PTGIS: variants seen among roughly 807,000 people sequenced by gnomAD.
PTGIS encodes the protein prostaglandin I2 synthase, also known as prostacyclin synthase.
A neutral mutation model predicts 50.3 loss-of-function variants in PTGIS; 45 were observed. That is an observed-to-expected ratio of 0.90 (90% CI 0.70 to 1.15). The LOEUF (loss-of-function observed/expected upper bound fraction) is 1.15, where lower values mean the gene tolerates loss of function less well. PTGIS is among the 50% of genes most tolerant of loss of function. PTGIS has a pLI of 0.00. For synonymous variants in PTGIS, 260 were observed against 267.7 expected, an observed-to-expected ratio of 0.97 and a Z score of 0.28; for missense variants, 668 against 661.3, an observed-to-expected ratio of 1.01 and a Z score of -0.11.
In PTGIS at chr20:49,564,313, G is replaced by A. The variant is rs538293361; in HGVS notation, c.74+3730C>T. Among the ~76,000 whole-genome samples, 7 of 151,850 alleles carry A rather than the reference G, an allele frequency of 4.6e-5. No homozygotes were observed. The East Asian group carries it at 5.8e-4, about 13-fold the overall frequency. ...GTTGCCCAGGCTGGAGTGCAATGGC[G>A]CAAGCTCCGCTCACTGCAAGCTCCG... On this transcript the variant is annotated intron_variant, in intron 1 of 9. Coordinates refer to ENST00000244043, the MANE Select transcript of PTGIS (RefSeq NM_000961.4).
chr20:49,564,396 T>C (rs73611391), intron 1 of PTGIS, among the ~76,000 whole-genome samples: 1 of 151,870 alleles, frequency 6.6e-6, no homozygotes, highest in Non-Finnish European at 1.5e-5. Flanking sequence ...GGACTACAGG[T>C]GCCTGCCACC....
chr20:49,514,461 A>G, intron 6 of PTGIS, 66 bp from the exon 7 acceptor site: 2 of 1,571,726 alleles, frequency 1.3e-6, no homozygotes, highest in Non-Finnish European at 1.7e-6. Context: ...TGCCAGGGAC[A>G]CAGCTCGGGC....
intron 5 of PTGIS, among the ~76,000 whole-genome samples, chr20:49,529,833 A>C (rs1342074086): frequency 1.3e-5 from 2 of 152,082 alleles, no homozygotes; most frequent in African/African-American, 2.4e-5. Flanking sequence ...TTATGTTGTT[A>C]ATCTCTTACT....
At chr20:49,560,011 A>G (rs1982725371) in intron 1 of PTGIS, among the ~76,000 whole-genome samples, 1 of 149,600 alleles carries the variant, frequency 6.7e-6, no homozygotes, top group South Asian at 2.1e-4. Context: ...TGCAACCTGC[A>G]CCTCCCGGGT....
In PTGIS at chr20:49,513,204, A is replaced by T. The variant is rs770770864; in HGVS notation, c.1082T>A (p.Val361Asp). The part of the protein sequence containing the change: ...LTAAPFITRE[V>D]VVDLAMPMAD... ...CATGGGCATGGCCAGGTCCACCACAACCTCGCGGGTGATGAAGGGGGCAGC... is the reference window on the plus strand; with the variant it reads ...CATGGGCATGGCCAGGTCCACCACATCCTCGCGGGTGATGAAGGGGGCAGC... The change falls in exon 8 of 10, where the codon GTT (valine) becomes GAT (aspartate). Residue 361 changes from valine to aspartate, a missense_variant. Transcript: ENST00000244043. 1 of 1,613,866 alleles carries T rather than the reference A, an allele frequency of 6.2e-7. No individual in the cohort carries two copies. The highest frequency in any genetic ancestry group is 2.2e-5 in the East Asian group (1 of 44,864).
At chr20:49,541,600 C>A (rs1300927278) in intron 4 of PTGIS, among the ~76,000 whole-genome samples, 2 of 151,966 alleles carry the variant, frequency 1.3e-5, no homozygotes, top group African/African-American at 4.8e-5. Context: ...GGCATGGTGG[C>A]GGCACCTGTA....
At chr20:49,517,677 G>T (rs955029763) in intron 6 of PTGIS, among the ~76,000 whole-genome samples, 13 of 152,192 alleles carry the variant, frequency 8.5e-5, no homozygotes, top group Non-Finnish European at 1.6e-4. Flanking sequence ...CCTCTGGGAG[G>T]CACTGACTGC....
chr20:49,545,355 A>G (rs1982330458), intron 3 of PTGIS, among the ~76,000 whole-genome samples: 1 of 151,926 alleles, frequency 6.6e-6, no homozygotes, highest in Non-Finnish European at 1.5e-5. Flanking sequence ...AGGAGTTTGA[A>G]GCTGCAGTGA....
chr20:49,517,402 T>A (rs941093156), intron 6 of PTGIS, among the ~76,000 whole-genome samples: 12 of 152,064 alleles, frequency 7.9e-5, no homozygotes, highest in African/African-American at 2.4e-4. Flanking sequence ...TGTGGCAAGT[T>A]AGGGAGGTGA....
chr20:49,536,012 A>G (rs1982059376), intron 5 of PTGIS, among the ~76,000 whole-genome samples: 2 of 152,248 alleles, frequency 1.3e-5, no homozygotes, highest in Non-Finnish European at 2.9e-5. Context: ...GCATCAGCTA[A>G]TATCTCTAAA....
At chr20:49,549,361 T>C (rs1328276129) in intron 2 of PTGIS, among the ~76,000 whole-genome samples, 2 of 152,226 alleles carry the variant, frequency 1.3e-5, no homozygotes, top group African/African-American at 4.8e-5. Context: ...AATAAATAGT[T>C]GTTAAACTAT....
At chr20:49,527,275 T>G (rs1462534380) in intron 5 of PTGIS, among the ~76,000 whole-genome samples, 1 of 143,918 alleles carries the variant, frequency 6.9e-6, no homozygotes, top group Non-Finnish European at 1.5e-5. Flanking sequence ...TGAAACCCTG[T>G]CTCTACTAAA....
intron 1 of PTGIS, among the ~76,000 whole-genome samples, chr20:49,558,167 T>C (rs1982667384): frequency 6.6e-6 from 1 of 152,158 alleles, no homozygotes; most frequent in Non-Finnish European, 1.5e-5. Context: ...AGTGGGAGGA[T>C]CTCTTGATCC....
At chr20:49,529,070 T>G (rs1430414588) in intron 5 of PTGIS, among the ~76,000 whole-genome samples, 1 of 152,224 alleles carries the variant, frequency 6.6e-6, no homozygotes, top group Non-Finnish European at 1.5e-5. Flanking sequence ...GTGAAATGAT[T>G]GCTGCAATCA....
chr20:49,533,538 T>C (rs996107497), intron 5 of PTGIS, among the ~76,000 whole-genome samples: 8 of 151,920 alleles, frequency 5.3e-5, no homozygotes, highest in Admixed American at 3.3e-4. Flanking sequence ...GAATAATGTA[T>C]GCATACAGAA....
At position 49,508,056 on chromosome 20, in the gene PTGIS, A is replaced by C. The variant is rs1264010861; in HGVS notation, c.1367T>G (p.Phe456Cys). ...YAVNSIKQFV[F>C]LVLVHLDLEL... ...CAAGTCCAAGTGCACCAGCACAAGG[A>C]ACACAAATCTGCAGAGAGATGGCAT... The change falls in exon 10 of 10, where the codon TTC becomes TGC. Residue 456 changes from phenylalanine to cysteine, a missense_variant. Transcript: ENST00000244043. 2 of 1,613,740 alleles carry C rather than the reference A, an allele frequency of 1.2e-6. No individual in the cohort carries two copies. Among genetic ancestry groups the C allele is most frequent in the Non-Finnish European group, 1.7e-6 (2 of 1,180,036 alleles).
intron 5 of PTGIS, among the ~76,000 whole-genome samples, chr20:49,535,211 A>G (rs536481446): frequency 6.6e-6 from 1 of 152,316 alleles, no homozygotes; most frequent in African/African-American, 2.4e-5. Flanking sequence ...AAATGGAAAG[A>G]TTGATGGCAT....
intron 1 of PTGIS, among the ~76,000 whole-genome samples, chr20:49,557,257 C>A (rs768152596): frequency 6.6e-6 from 1 of 152,114 alleles, no homozygotes; most frequent in Non-Finnish European, 1.5e-5. Flanking sequence ...ACCGGAGATT[C>A]ATTTTCTTCT....
chr20:49,521,463 C>G (rs2122851706), intron 6 of PTGIS, among the ~76,000 whole-genome samples: 2 of 152,324 alleles, frequency 1.3e-5, no homozygotes, highest in South Asian at 4.1e-4. Flanking sequence ...CTCTCCTGGC[C>G]CTGCCAAAGG....
Sources: gnomAD v4.1 joint callset for allele counts (sites outside exome capture counted in the v4.1 genomes callset) on GRCh38, gnomAD v4.1.1 for gene constraint, MANE v1.5 for transcripts, NCBI Gene and HGNC (gene_info 2026-07-23, HGNC 2026-07-21) for gene names.